The following MAMDC2 variants were observed in gnomAD, a reference collection of about 807,000 sequenced individuals.
MAMDC2 encodes MAM domain containing 2.
Under a neutral mutation model 89.8 loss-of-function variants are expected in MAMDC2, and 57 were observed. The ratio of observed to expected loss-of-function variants is 0.63; its 90% confidence interval spans 0.51 to 0.79. The LOEUF (loss-of-function observed/expected upper bound fraction) is 0.79. Among genes scored for constraint, MAMDC2 ranks in the 30% least tolerant of loss-of-function variants. The probability of loss-of-function intolerance (pLI) is 0.00; values close to 1 mark genes in which losing one functional copy is unlikely to be tolerated. For missense variants in MAMDC2, 800 were observed against 820.6 expected (o/e 0.97, Z 0.31); for synonymous variants, 313 against 293.4 (o/e 1.07, Z -0.68).
intron 11 of MAMDC2, among the ~76,000 whole-genome samples, chr9:70,182,897 A>G (rs944959470): frequency 6.6e-6 from 1 of 151,564 alleles, no homozygotes; most frequent in Non-Finnish European, 1.5e-5. Flanking sequence ...CTAGCTTTTG[A>G]ATTTGTTTGC....
chr9:70,130,180 A>G (rs550267518), intron 6 of MAMDC2, among the ~76,000 whole-genome samples: 1 of 152,246 alleles, frequency 6.6e-6, no homozygotes, highest in Non-Finnish European at 1.5e-5. Flanking sequence ...AAGGTCACAT[A>G]CTGAGATACT....
At chr9:70,129,284 C>T (rs2118356501) in intron 6 of MAMDC2, among the ~76,000 whole-genome samples, 1 of 152,312 alleles carries the variant, frequency 6.6e-6, no homozygotes, top group South Asian at 2.1e-4. Context: ...ATGAGTTTCC[C>T]TGCACAAGCT....
intron 2 of MAMDC2, among the ~76,000 whole-genome samples, chr9:70,102,962 G>C (rs1194959381): frequency 6.6e-6 from 1 of 151,950 alleles, no homozygotes; most frequent in African/African-American, 2.4e-5. Context: ...CATTTGTTTT[G>C]TTTACTCTAA....
intron 11 of MAMDC2, among the ~76,000 whole-genome samples, chr9:70,205,140 G>A (rs1268176562): frequency 6.6e-6 from 1 of 152,144 alleles, no homozygotes; most frequent in Non-Finnish European, 1.5e-5. Flanking sequence ...CACAGAGAAG[G>A]CTTCTGTGAC....
chr9:70,139,696 A>T (rs59619263), intron 7 of MAMDC2, among the ~76,000 whole-genome samples: 7 of 152,094 alleles, frequency 4.6e-5, no homozygotes, highest in Non-Finnish European at 1.0e-4. Flanking sequence ...GAATCGCCAC[A>T]CTGACTTCCA....
intron 2 of MAMDC2, among the ~76,000 whole-genome samples, 176 bp downstream of exon 2, chr9:70,044,873 C>A (rs1826707755): frequency 6.6e-6 from 1 of 152,194 alleles, no homozygotes; most frequent in Non-Finnish European, 1.5e-5. Flanking sequence ...GAGGCAGGAA[C>A]GGGGCGGGCG....
At chr9:70,093,841 A>G (rs116117982) in intron 2 of MAMDC2, 221 of 152,326 alleles carry the variant, frequency 1.5e-3, no homozygotes, top group African/African-American at 5.1e-3. Flanking sequence ...AACACTCTCT[A>G]TCGGGTAATG....
chr9:70,106,999 G>A (rs144438806), intron 2 of MAMDC2, among the ~76,000 whole-genome samples: 1 of 152,158 alleles, frequency 6.6e-6, no homozygotes, highest in Non-Finnish European at 1.5e-5. Flanking sequence ...AGGCTTTTCA[G>A]ATCCTTTCTC....
intron 7 of MAMDC2, among the ~76,000 whole-genome samples, chr9:70,136,973 C>T (rs2031036015): frequency 1.3e-5 from 2 of 152,172 alleles, no homozygotes; most frequent in Non-Finnish European, 2.9e-5. Flanking sequence ...GTGGGCTAAT[C>T]TACCCATCTT....
intron 8 of MAMDC2, among the ~76,000 whole-genome samples, chr9:70,140,543 C>T (rs1052360366): frequency 7.2e-5 from 11 of 152,048 alleles, no homozygotes; most frequent in Admixed American, 7.2e-4. Flanking sequence ...AGATGCAATA[C>T]CTTTAAGGAA....
intron 11 of MAMDC2, chr9:70,172,574 T>G (rs1207851537): frequency 6.5e-6 from 1 of 152,740 alleles, no homozygotes; most frequent in Non-Finnish European, 1.5e-5. Flanking sequence ...ATTTTTCTGT[T>G]TGGGTTCCTC....
chr9:70,187,998 C>T (rs2032794576), intron 11 of MAMDC2, among the ~76,000 whole-genome samples: 1 of 152,166 alleles, frequency 6.6e-6, no homozygotes, highest in Non-Finnish European at 1.5e-5. Context: ...TACATTCCCA[C>T]TAGCAGTGTA....
intron 9 of MAMDC2, chr9:70,153,181 T>C (rs575478865): frequency 1.1e-4 from 17 of 152,348 alleles, no homozygotes; most frequent in African/African-American, 4.1e-4. Context: ...AGAAACGTTT[T>C]GAAAAAGGAT....
intron 2 of MAMDC2, among the ~76,000 whole-genome samples, chr9:70,077,089 T>C (rs1827548504): frequency 6.6e-6 from 1 of 152,232 alleles, no homozygotes; most frequent in Non-Finnish European, 1.5e-5. Context: ...ATGAAAACCC[T>C]GTCATCTTCC....
In MAMDC2 at chr9:70,044,692, A is replaced by T. The variant is rs1457236116; in HGVS notation, c.143A>T (p.Glu48Val). The T allele has an allele frequency of 6.4e-7, 1 of 1,550,746 alleles. No homozygotes were observed. The highest frequency in any genetic ancestry group is 1.7e-4 in the Middle Eastern group (1 of 5,982). ...GCCTCTCTGCCGTGGATTTTAAATG[A>T]GGAAGGTAAGGAGGCTCGGTGGAGA... Reference protein sequence around the residue: ...VLASLPWILNEEGHYIYVDTS... With the variant: ...VLASLPWILNVEGHYIYVDTS... Residue 48 changes from glutamate to valine, a missense_variant, in exon 2 of 14, where the codon GAG becomes GTG. Transcript: ENST00000377182.
At chr9:70,172,269 G>C (rs2032371960) in intron 11 of MAMDC2, 1 of 152,220 alleles carries the variant, frequency 6.6e-6, no homozygotes. Flanking sequence ...GATAAAGGAA[G>C]AAACAGTCTA....
intron 11 of MAMDC2, among the ~76,000 whole-genome samples, chr9:70,189,734 T>C (rs193208058): frequency 6.6e-6 from 1 of 151,992 alleles, no homozygotes; most frequent in East Asian, 1.9e-4. Context: ...GTACACTTGA[T>C]GGTGTGTCTC....
At chr9:70,209,235 A>T (rs955822666) in intron 11 of MAMDC2, among the ~76,000 whole-genome samples, 2 of 152,194 alleles carry the variant, frequency 1.3e-5, no homozygotes, top group Non-Finnish European at 2.9e-5. Flanking sequence ...CTCTGGTAGA[A>T]TTCGGCTGTG....
At chr9:70,166,262 A>AAT (rs371331801) in intron 9 of MAMDC2, among the ~76,000 whole-genome samples, 5,234 of 134,328 alleles carry the variant, frequency 0.039, 108 homozygotes, top group Non-Finnish European at 0.043. Context: ...ACAAAACAGA[A>AAT]ATATATATAT....
Sources: gnomAD v4.1 joint callset for allele counts (sites outside exome capture counted in the v4.1 genomes callset) on GRCh38, gnomAD v4.1.1 for gene constraint, MANE v1.5 for transcripts, NCBI Gene and HGNC (gene_info 2026-07-23, HGNC 2026-07-21) for gene names.